Variants in SEPTIN7 observed in about 807,000 individuals in gnomAD.
SEPTIN7 encodes septin-7.
A neutral mutation model predicts 63.3 loss-of-function variants in SEPTIN7; 10 were observed. That is an observed-to-expected ratio of 0.16 (90% CI 0.10 to 0.27). The LOEUF is 0.27. SEPTIN7 is among the 10% of genes least tolerant of loss of function. SEPTIN7 has a pLI of 1.00. For synonymous variants in SEPTIN7, 131 were observed against 165.3 expected, an observed-to-expected ratio of 0.79 and a Z score of 1.59; for missense variants, 310 against 521.0, an observed-to-expected ratio of 0.59 and a Z score of 3.94.
chr7:35,867,415 T>C (rs187754102), intron 4 of SEPTIN7, among the ~76,000 whole-genome samples: 3 of 152,366 alleles, frequency 2.0e-5, no homozygotes, highest in Middle Eastern at 3.4e-3. Flanking sequence ...AGTGGCGCGA[T>C]CTCGGTTCAC....
chr7:35,817,040 C>T (rs752612996), intron 1 of SEPTIN7, among the ~76,000 whole-genome samples: 7 of 148,976 alleles, frequency 4.7e-5, no homozygotes, highest in Non-Finnish European at 8.9e-5. Flanking sequence ...TGATAGTGTT[C>T]TGTGAAGTAC....
intron 1 of SEPTIN7, among the ~76,000 whole-genome samples, chr7:35,812,827 A>G (rs1788813005): frequency 6.6e-6 from 1 of 152,208 alleles, no homozygotes; most frequent in African/African-American, 2.4e-5. Context: ...AGTAACATAA[A>G]TATGTCTATT....
chr7:35,804,669 T>C (rs1788207836), intron 1 of SEPTIN7, among the ~76,000 whole-genome samples: 1 of 152,150 alleles, frequency 6.6e-6, no homozygotes, highest in African/African-American at 2.4e-5. Flanking sequence ...AACAATACGG[T>C]ACATTGAGAA....
At chr7:35,829,415 A>G (rs1783708673) in intron 1 of SEPTIN7, among the ~76,000 whole-genome samples, 1 of 152,150 alleles carries the variant, frequency 6.6e-6, no homozygotes, top group South Asian at 2.1e-4. Context: ...TACTCTTGGA[A>G]ATACCAAGTT....
chr7:35,873,235 A>G (rs901243635), intron 5 of SEPTIN7, among the ~76,000 whole-genome samples: 26 of 152,080 alleles, frequency 1.7e-4, no homozygotes, highest in Middle Eastern at 3.4e-3. Flanking sequence ...TTTTTGTTTG[A>G]ATTCACATTG....
chr7:35,862,751 A>G (rs906887952), intron 3 of SEPTIN7, among the ~76,000 whole-genome samples: 3 of 152,176 alleles, frequency 2.0e-5, no homozygotes, highest in Non-Finnish European at 4.4e-5. Flanking sequence ...TTAACAATAA[A>G]TACTTTAACT....
chr7:35,850,819 T>A (rs1440402941), intron 3 of SEPTIN7, among the ~76,000 whole-genome samples: 14 of 152,184 alleles, frequency 9.2e-5, no homozygotes, highest in Admixed American at 9.2e-4. Flanking sequence ...CATTCCTCGT[T>A]CATTTATTTG....
chr7:35,813,036 A>G (rs970174450), intron 1 of SEPTIN7, among the ~76,000 whole-genome samples: 11 of 152,300 alleles, frequency 7.2e-5, no homozygotes, highest in African/African-American at 2.6e-4. Context: ...AATAATAACT[A>G]TCATCTGTAG....
intron 3 of SEPTIN7, among the ~76,000 whole-genome samples, chr7:35,854,964 T>C (rs1785131072): frequency 6.6e-6 from 1 of 152,106 alleles, no homozygotes; most frequent in African/African-American, 2.4e-5. Flanking sequence ...TTATAAAATA[T>C]ACATTTTATT....
chr7:35,869,073 T>C (rs1408794265), intron 4 of SEPTIN7, among the ~76,000 whole-genome samples: 1 of 152,022 alleles, frequency 6.6e-6, no homozygotes, highest in Non-Finnish European at 1.5e-5. Context: ...GGTATAGGAA[T>C]AGAAAGATGG....
At position 35,883,586 on chromosome 7, in the gene SEPTIN7, T is replaced by TC. The variant is rs201895415; in HGVS notation, c.724-297dup. Among the ~76,000 whole-genome samples, 799 of 147,866 alleles carry TC rather than the reference T, an allele frequency of 5.4e-3. 7 individuals carry two copies. The highest frequency in any genetic ancestry group is 8.8e-3 in the Non-Finnish European group (591 of 66,896). On this transcript the variant is annotated intron_variant, in intron 8 of 13. Transcript: ENST00000350320. The stretch of plus-strand genomic sequence containing the variant: ...ATGCCAATATAGTTTTTACCTTTTA[T>TC]CCCCCCCCAGGTATGGGACAACTTT...
chr7:35,841,176 G>A (rs770674219), intron 3 of SEPTIN7, among the ~76,000 whole-genome samples: 1 of 151,974 alleles, frequency 6.6e-6, no homozygotes, highest in Admixed American at 6.6e-5. Context: ...AGCCGAGATC[G>A]TGCCACTACA....
At chr7:35,868,118 C>T (rs1256789807) in intron 4 of SEPTIN7, among the ~76,000 whole-genome samples, 1 of 152,168 alleles carries the variant, frequency 6.6e-6, no homozygotes, top group Non-Finnish European at 1.5e-5. Flanking sequence ...GATCCTTCCA[C>T]CTCAGCCTCC....
At chr7:35,861,674 C>A (rs1408200415) in intron 3 of SEPTIN7, among the ~76,000 whole-genome samples, 1 of 152,136 alleles carries the variant, frequency 6.6e-6, no homozygotes, top group Non-Finnish European at 1.5e-5. Context: ...CTATTGTGTC[C>A]CCTTGCAGCT....
chr7:35,904,449 A>C lies in SEPTIN7; in HGVS notation c.*156A>C. The C allele has an allele frequency of 1.9e-6, 1 of 526,148 alleles. No homozygotes were observed. The highest frequency in any genetic ancestry group is 4.0e-5 in the Admixed American group (1 of 24,918). The allele number at this position is 526,148 out of a possible 1,614,324, so 32.6% of individuals were successfully genotyped here. A position where few individuals can be genotyped will look rare whatever the true frequency, so the allele number is the denominator to read the frequency against. On this transcript the variant is annotated 3_prime_UTR_variant, in exon 14 of 14. Transcript: ENST00000350320. Reference sequence around the variant, plus strand: ...TTATTTTTTTTTTTGTTCTTGATGGAGATTAAGATGCCTTGAATTGTCTAG... The same window carrying C: ...TTATTTTTTTTTTTGTTCTTGATGGCGATTAAGATGCCTTGAATTGTCTAG...
At chr7:35,883,786 AT>A (rs35686699) in intron 8 of SEPTIN7, 104 bp from the exon 9 acceptor site, 20,058 of 414,558 alleles carry the variant, frequency 0.048, 161 homozygotes, top group East Asian at 0.12. Flanking sequence ...TCGAAAGTAA[AT>A]TTTTTTTTTT....
chr7:35,842,347 T>TG (rs1235939337), intron 3 of SEPTIN7, among the ~76,000 whole-genome samples: 29 of 125,894 alleles, frequency 2.3e-4, no homozygotes, highest in Non-Finnish European at 1.2e-4. Context: ...ACTTTGTTTT[T>TG]GAAAAAAAAA....
At chr7:35,913,274 G>T in the SEPTIN7 span, among the ~76,000 whole-genome samples, 2 of 152,156 alleles carry the variant, frequency 1.3e-5, no homozygotes, top group Non-Finnish European at 2.9e-5. Flanking sequence ...CCAGGTGTTT[G>T]GAAGTCCTGA....
At chr7:35,878,547 A>G (rs1786620912) in intron 6 of SEPTIN7, among the ~76,000 whole-genome samples, 3 of 152,216 alleles carry the variant, frequency 2.0e-5, no homozygotes, top group Admixed American at 2.0e-4. Context: ...GGATTTAGAA[A>G]GACCACTCTG....
Sources: allele counts gnomAD v4.1 joint callset (sites outside exome capture counted in the v4.1 genomes callset), GRCh38; gene constraint gnomAD v4.1.1; transcripts MANE v1.5; gene names NCBI Gene and HGNC (gene_info 2026-07-23, HGNC 2026-07-21).